MAPK8IP3: variants seen among roughly 807,000 people sequenced by gnomAD.
The protein encoded by MAPK8IP3 is C-Jun-amino-terminal kinase-interacting protein 3.
In MAPK8IP3, 49 loss-of-function variants were observed where a neutral mutation model predicts 157.8. The observed-to-expected ratio is 0.31, with a 90% CI of 0.25 to 0.39. The LOEUF (loss-of-function observed/expected upper bound fraction) is 0.39, where lower values mean the gene tolerates loss of function less well. Ranked by LOEUF, MAPK8IP3 falls within the 10% of genes least tolerant of loss-of-function variation. MAPK8IP3 has a pLI of 1.00. For synonymous variants in MAPK8IP3, 897 were observed against 777.7 expected (o/e 1.15, Z -2.55); for missense variants, 1,478 against 1,889.4 (o/e 0.78, Z 4.04).
intron 6 of MAPK8IP3, among the ~76,000 whole-genome samples, chr16:1,747,973 C>T (rs772357511): frequency 4.6e-5 from 7 of 152,236 alleles, no homozygotes; most frequent in Non-Finnish European, 7.3e-5. Context: ...CTTGCTTGGA[C>T]GTGGGATCTC....
intron 1 of MAPK8IP3, among the ~76,000 whole-genome samples, chr16:1,709,854 A>G (rs1259213268): frequency 6.6e-6 from 1 of 152,182 alleles, no homozygotes; most frequent in Non-Finnish European, 1.5e-5. Context: ...ACATGTGAAT[A>G]TTAGTGGTCA....
chr16:1,760,346 C>T lies in MAPK8IP3; in HGVS notation c.1305-34C>T, dbSNP rs138312382. 1,246 of 1,594,960 alleles carry T rather than the reference C, an allele frequency of 7.8e-4. 8 individuals carry two copies. In the African/African-American group the frequency reaches 0.015, roughly 20 times the overall value. ...CCCCTTCACGTACCTGTATGCCGCG[C>T]CCGTGGCACTCCCATCTTTCTGCTT... is the stretch of plus-strand genomic sequence containing the variant. On this transcript the variant is annotated intron_variant, in intron 11 of 31. Coordinates refer to ENST00000610761, the MANE Select transcript of MAPK8IP3 (RefSeq NM_001318852.2).
At chr16:1,768,415 C>A (rs758265543) in intron 30 of MAPK8IP3, 37 bp downstream of exon 30, 1 of 1,598,222 alleles carries the variant, frequency 6.3e-7, no homozygotes, top group East Asian at 2.2e-5. Context: ...ACATCCCCTG[C>A]ATGCCAGTGG....
rs117971408 is a variant in MAPK8IP3 at position 1,725,674 on chromosome 16, G to A, written c.439+997G>A. Among the ~76,000 whole-genome samples, 17 of 152,196 alleles carry A rather than the reference G, an allele frequency of 1.1e-4. No individual in the cohort carries two copies. In the East Asian group the frequency reaches 3.1e-3, roughly 28 times the overall value. On this transcript the variant is annotated intron_variant, in intron 2 of 31. Coordinates refer to ENST00000610761, the MANE Select transcript of MAPK8IP3 (RefSeq NM_001318852.2). ...AAAAGAAGAAGTGATGATTTCCTGT[G>A]TAATTTTCCTTTTCTGTAATTAGAT...
At chr16:1,721,730 C>T (rs1044857267) in intron 1 of MAPK8IP3, among the ~76,000 whole-genome samples, 1 of 152,120 alleles carries the variant, frequency 6.6e-6, no homozygotes, top group Non-Finnish European at 1.5e-5. Flanking sequence ...CATGAGCCAC[C>T]GCTCCGGGCC....
Position 1,758,051 on chromosome 16 carries a change from G to C in MAPK8IP3, c.1217-97G>C, listed in dbSNP as rs1167256418. On this transcript the variant is annotated intron_variant, in intron 8 of 31. Coordinates refer to ENST00000610761, the MANE Select transcript of MAPK8IP3 (RefSeq NM_001318852.2). ...ACATGGGAGCAGCCGAATCATTGCT[G>C]GGTTTTCTGTAATAAGAATGTATTG... 1.2e-5 allele frequency: 15 copies of C among 1,269,332 alleles called. No homozygotes were observed. In the Admixed American group the frequency reaches 2.1e-4, roughly 18 times the overall value. The allele number at this position is 1,269,332 out of a possible 1,614,324, so 78.6% of individuals were successfully genotyped here.
At chr16:1,721,744 A>G (rs568322357) in intron 1 of MAPK8IP3, among the ~76,000 whole-genome samples, 12 of 148,912 alleles carry the variant, frequency 8.1e-5, no homozygotes, top group Admixed American at 2.0e-4. Context: ...CCGGGCCTAT[A>G]AAAACTTTGT....
intron 31 of MAPK8IP3, 36 bp from the exon 32 acceptor site, chr16:1,768,667 G>C: frequency 6.2e-7 from 1 of 1,611,072 alleles, no homozygotes; most frequent in Non-Finnish European, 8.5e-7. Flanking sequence ...TGGGCGCGGG[G>C]GGAGCCTGGC....
At chr16:1,723,003 T>A (rs2038632606) in intron 1 of MAPK8IP3, among the ~76,000 whole-genome samples, 1 of 151,082 alleles carries the variant, frequency 6.6e-6, no homozygotes, top group Non-Finnish European at 1.5e-5. Flanking sequence ...GCCTGGCCAA[T>A]TTTTTTTGTT....
chr16:1,732,696 G>T (rs2039394980), intron 4 of MAPK8IP3, among the ~76,000 whole-genome samples: 1 of 148,016 alleles, frequency 6.8e-6, no homozygotes, highest in African/African-American at 2.5e-5. Context: ...GAGAACAGGT[G>T]GTGCCAGCCA....
chr16:1,730,044 CAAA>C (rs58933347), intron 4 of MAPK8IP3, among the ~76,000 whole-genome samples: 1,096 of 46,690 alleles, frequency 0.023, no homozygotes, highest in African/African-American at 0.064. Context: ...CTTGTCTCTA[CAAA>C]AAAAAAAAAA....
At chr16:1,750,586 A>AT (rs1427280999) in intron 8 of MAPK8IP3, among the ~76,000 whole-genome samples, 1 of 152,052 alleles carries the variant, frequency 6.6e-6, no homozygotes, top group African/African-American at 2.4e-5. Context: ...TATTTAAATA[A>AT]TATCAGCAAA....
At chr16:1,726,730 G>C (rs1379719922) in intron 2 of MAPK8IP3, among the ~76,000 whole-genome samples, 2 of 152,194 alleles carry the variant, frequency 1.3e-5, no homozygotes, top group African/African-American at 4.8e-5. Flanking sequence ...CCAGGAGTTG[G>C]GGCCAGATGA....
rs986292182 is a variant in MAPK8IP3 at position 1,739,915 on chromosome 16, C to T, written c.603-3417C>T. 2.8e-5 allele frequency among the ~76,000 whole-genome samples: 3 copies of T among 108,374 alleles called. 1 individual carries two copies. The highest frequency in any genetic ancestry group is 1.1e-4 in the African/African-American group (3 of 27,006). The allele number at this position is 108,374 out of a possible 152,430, so 71.1% of individuals were successfully genotyped here. On this transcript the variant is annotated intron_variant, in intron 4 of 31. Coordinates refer to ENST00000610761, the MANE Select transcript of MAPK8IP3 (RefSeq NM_001318852.2). ...CCGTGTGAGCATCCCTGTGACCGTC[C>T]GTGTGAGCTTCCGTGTGACTGTCCG... is the stretch of plus-strand genomic sequence containing the variant.
In MAPK8IP3 at chr16:1,768,536, C is replaced by T. The variant is rs1489671811; in HGVS notation, c.3802C>T (p.Pro1268Ser). The change falls in exon 31 of 32, where the codon CCA becomes TCA. Residue 1268 changes from proline (P) to serine (S), a missense_variant. Pro to Ser is a moderately conservative substitution (Grantham distance 74). Around this residue, in one of 11 missense-constraint regions of MAPK8IP3, gnomAD observed 133 missense variants for 133.4 expected, o/e 1.00. Transcript: ENST00000610761. ...GGACAGCCCAGCCGAGGGCCCTGGG[C>T]CAGCTGCCCCTGCCTCGGAGGTCGA... ...VLDSPAEGPG[P>S]AAPASEVEGQ... 1.3e-6 allele frequency: 2 copies of T among 1,561,552 alleles called. No homozygotes were observed. The highest frequency in any genetic ancestry group is 1.9e-5 in the Admixed American group (1 of 51,952).
At chr16:1,734,856 T>G (rs1031535391) in intron 4 of MAPK8IP3, 4 of 154,508 alleles carry the variant, frequency 2.6e-5, no homozygotes, top group African/African-American at 9.6e-5. Context: ...GACATTTTCC[T>G]TCACGCCTGG....
In MAPK8IP3 at chr16:1,747,260, C is replaced by T. The variant is rs201534906; in HGVS notation, c.979C>T (p.Arg327Cys). 51 of 1,613,422 alleles carry T rather than the reference C, an allele frequency of 3.2e-5. 1 individual carries two copies. The highest frequency in any genetic ancestry group is 8.8e-5 in the South Asian group (8 of 91,090). Residue 327 changes from arginine (R) to cysteine (C), a missense_variant, in exon 6 of 32, where the codon CGC becomes TGC. This residue lies in a region of MAPK8IP3 where 315 missense variants were observed against 394.4 expected (regional missense o/e 0.80). Transcript: ENST00000610761. The part of the protein sequence containing the change: ...NMEVQVTQEM[R>C]NVSIGMGSSD... ...GGAAGTACAGGTCACCCAGGAGATG[C>T]GCAACGTCAGTATAGGTGGGTGCCC...
intron 1 of MAPK8IP3, among the ~76,000 whole-genome samples, chr16:1,723,293 C>T (rs903576202): frequency 9.9e-5 from 15 of 152,050 alleles, no homozygotes; most frequent in Non-Finnish European, 7.4e-5. Context: ...CCTCAGCCTC[C>T]CAAAGTTCTG....
intron 1 of MAPK8IP3, among the ~76,000 whole-genome samples, chr16:1,714,477 C>T (rs981603028): frequency 2.7e-5 from 4 of 147,250 alleles, no homozygotes; most frequent in African/African-American, 8.2e-5. Context: ...ACCTCTCCTC[C>T]GTGTGGTGCG....
Sources: gnomAD v4.1 joint callset for allele counts (sites outside exome capture counted in the v4.1 genomes callset) on GRCh38, gnomAD v4.1.1 for gene constraint, gnomAD v4.1.1 regional missense constraint, MANE v1.5 for transcripts, NCBI Gene and HGNC (gene_info 2026-07-23, HGNC 2026-07-21) for gene names.